Variants in TIMP2 observed in about 807,000 individuals in gnomAD.
TIMP2 encodes the protein TIMP metallopeptidase inhibitor 2.
TIMP2 carries 5 observed loss-of-function variants against 24.3 expected under a neutral mutation model. The observed-to-expected ratio is 0.21, with a 90% confidence interval of 0.11 to 0.43. The LOEUF is 0.43. Ranked by LOEUF, TIMP2 falls within the 20% of genes least tolerant of loss-of-function variation. The pLI is 1.00. For missense variants in TIMP2, 221 were observed against 297.5 expected (o/e 0.74, Z 1.89); for synonymous variants, 130 against 123.2 (o/e 1.06, Z -0.37).
chr17:78,890,044 A>C (rs1011616277), intron 1 of TIMP2, among the ~76,000 whole-genome samples: 1 of 152,166 alleles, frequency 6.6e-6, no homozygotes, highest in East Asian at 1.9e-4. Context: ...GCTTAAGCCC[A>C]GGAGACAGAG....
intron 3 of TIMP2, among the ~76,000 whole-genome samples, chr17:78,869,586 G>A (rs111753648): frequency 6.6e-6 from 1 of 152,138 alleles, no homozygotes; most frequent in Non-Finnish European, 1.5e-5. Context: ...TGAGGTGGGC[G>A]GATCACCTGA....
At chr17:78,860,414 A>C (rs1378370929) in intron 3 of TIMP2, among the ~76,000 whole-genome samples, 1 of 152,210 alleles carries the variant, frequency 6.6e-6, no homozygotes, top group Non-Finnish European at 1.5e-5. Context: ...GGATCCACTA[A>C]TAGAAACACA....
Position 78,854,547 on chromosome 17 carries a change from C to T in TIMP2, c.*1120G>A, listed in dbSNP as rs181972805. ...AGAAGTGAGTGTGTCACCAAAGCCA[C>T]CTACCTCCAAAATCCTTCCCTTCCT... is the stretch of plus-strand genomic sequence containing the variant. On this transcript the variant is annotated 3_prime_UTR_variant, in exon 5 of 5. Coordinates refer to ENST00000262768, the MANE Select transcript of TIMP2 (RefSeq NM_003255.5). 1 of 152,288 alleles carries T rather than the reference C, an allele frequency of 6.6e-6. No homozygotes were observed. The highest frequency in any genetic ancestry group is 2.4e-5 in the African/African-American group (1 of 41,540). 9.4% of individuals were successfully genotyped at this position (152,288 alleles called of 1,614,324 possible).
At chr17:78,903,637 G>A (rs970198159) in intron 1 of TIMP2, among the ~76,000 whole-genome samples, 9 of 152,142 alleles carry the variant, frequency 5.9e-5, no homozygotes, top group Admixed American at 3.9e-4. Context: ...CACTGGAGGC[G>A]GGGGAAGAAA....
At chr17:78,912,570 C>T (rs760320990) in intron 1 of TIMP2, among the ~76,000 whole-genome samples, 4 of 152,350 alleles carry the variant, frequency 2.6e-5, no homozygotes, top group Non-Finnish European at 5.9e-5. Flanking sequence ...ACAGAAGAGG[C>T]GGGTGAAGGC....
In TIMP2 at chr17:78,920,017, T is replaced by C. The variant is rs1377589361; in HGVS notation, c.130+4942A>G. 3.9e-5 allele frequency among the ~76,000 whole-genome samples: 6 copies of C among 152,154 alleles called. No individual in the cohort carries two copies. Among genetic ancestry groups the C allele is most frequent in the Admixed American group, 3.3e-4 (5 of 15,264 alleles). ...CCTTCTTATCTCCTCCTCCCTGCTGTTGCATCCCTCCTCGCAGCTGCCTGG... is the reference window on the plus strand; with the variant it reads ...CCTTCTTATCTCCTCCTCCCTGCTGCTGCATCCCTCCTCGCAGCTGCCTGG... On this transcript the variant is annotated intron_variant, in intron 1 of 4. Transcript: ENST00000262768. The surrounding 1 kb of genome is among the most constrained non-coding windows in gnomAD (Gnocchi z 4.5).
Position 78,891,895 on chromosome 17 carries a change from T to C in TIMP2, c.131-17976A>G, listed in dbSNP as rs2069902903. The C allele has an allele frequency of 1.3e-6, 2 of 1,550,588 alleles. No individual in the cohort carries two copies. The highest frequency in any genetic ancestry group is 1.7e-6 in the Non-Finnish European group (2 of 1,146,992). On this transcript the variant is annotated intron_variant, in intron 1 of 4. Transcript: ENST00000262768. The surrounding 1 kb of genome is among the most constrained non-coding windows in gnomAD (Gnocchi z 4.5). The stretch of plus-strand genomic sequence containing the variant: ...GACCCGTGGCTTTTGTAGTCTGTGG[T>C]TTCTCTGGACTCGCTGCTGTCTTCC...
At chr17:78,857,789 G>T in intron 3 of TIMP2, 143 bp from the exon 4 acceptor site, 1 of 1,139,760 alleles carries the variant, frequency 8.8e-7, no homozygotes, top group Non-Finnish European at 1.2e-6. Flanking sequence ...ACAGTGGGTG[G>T]CCAGGCACGG....
intron 3 of TIMP2, among the ~76,000 whole-genome samples, chr17:78,860,596 G>C (rs1241948292): frequency 6.6e-6 from 1 of 152,208 alleles, no homozygotes; most frequent in East Asian, 1.9e-4. Context: ...TCCTGTTCTA[G>C]CTGTTCCTTT....
At chr17:78,913,889 C>CT (rs2070230991) in intron 1 of TIMP2, among the ~76,000 whole-genome samples, 2 of 44,222 alleles carry the variant, frequency 4.5e-5, no homozygotes, top group African/African-American at 1.9e-4. Flanking sequence ...GAAACTCTGT[C>CT]TCGGGGAAAA....
At chr17:78,892,116 C>T (rs1468373866) in intron 1 of TIMP2, 1 of 1,551,394 alleles carries the variant, frequency 6.4e-7, no homozygotes. Context: ...TGCAGCCTGT[C>T]CAGGCCACCG....
intron 1 of TIMP2, among the ~76,000 whole-genome samples, chr17:78,923,408 C>CGGG (rs2070323933): frequency 1.8e-4 from 1 of 5,474 alleles, no homozygotes; most frequent in African/African-American, 8.3e-4. Flanking sequence ...GGGGGGGGGG[C>CGGG]GGGAGGGGGA....
chr17:78,879,247 G>C lies in TIMP2; in HGVS notation c.131-5328C>G, dbSNP rs185176381. ...TTCCAATGCCCAGTGGTGGACAGAG[G>C]AGGAGGGAGAGAGAGCTCTCCGGAA... On this transcript the variant is annotated intron_variant, in intron 1 of 4. Transcript: ENST00000262768. Among the ~76,000 whole-genome samples, 72 of 152,342 alleles carry C rather than the reference G, an allele frequency of 4.7e-4. 2 individuals carry two copies. Among genetic ancestry groups the C allele is most frequent in the Admixed American group, 4.7e-3 (72 of 15,308 alleles).
chr17:78,922,588 C>T (rs191787131), intron 1 of TIMP2, among the ~76,000 whole-genome samples: 71 of 152,314 alleles, frequency 4.7e-4, no homozygotes, highest in African/African-American at 1.7e-3. Flanking sequence ...GAGGCTGAGG[C>T]AGGCGGATCA....
At position 78,891,660 on chromosome 17, in the gene TIMP2, C is replaced by CAAA; in HGVS notation, c.131-17742_131-17741insTTT. On this transcript the variant is annotated intron_variant, in intron 1 of 4. Transcript: ENST00000262768. This position sits in a 1 kb window ranked among gnomAD's most constrained non-coding sequence, Gnocchi z 4.5. ...GGAACAAAGCAAACTGCCCCCTTTC[C>CAAA]CAGTTGCCTCCTCCCCGCCCGAGCT... 1 of 1,551,036 alleles carries CAAA rather than the reference C, an allele frequency of 6.4e-7. No individual in the cohort carries two copies. The highest frequency in any genetic ancestry group is 8.7e-7 in the Non-Finnish European group (1 of 1,147,108).
At chr17:78,922,340 G>A (rs2070314161) in intron 1 of TIMP2, 1 of 152,244 alleles carries the variant, frequency 6.6e-6, no homozygotes, top group South Asian at 2.1e-4. Flanking sequence ...CACGGAAAGG[G>A]TGACTGGGAA....
chr17:78,918,541 G>C (rs148285984), intron 1 of TIMP2, among the ~76,000 whole-genome samples: 2,175 of 152,244 alleles, frequency 0.014, 94 homozygotes, highest in Admixed American at 0.093. Flanking sequence ...GGAAGTCTGG[G>C]TCTGCCCGCC....
In TIMP2 at chr17:78,856,082, C is replaced by G. The variant is rs943917846; in HGVS notation, c.466-218G>C. ...CTGTGCCCTGCCCACCGCTGCCCCCCCTCCTACTGCAGGTGTGCTTCCCTT... is the reference window on the plus strand; with the variant it reads ...CTGTGCCCTGCCCACCGCTGCCCCCGCTCCTACTGCAGGTGTGCTTCCCTT... On this transcript the variant is annotated intron_variant, in intron 4 of 4. Coordinates refer to ENST00000262768, the MANE Select transcript of TIMP2 (RefSeq NM_003255.5). 1.3e-4 allele frequency: 78 copies of G among 585,326 alleles called. 2 individuals carry two copies. The highest frequency in any genetic ancestry group is 6.9e-4 in the East Asian group (24 of 34,776). The allele number at this position is 585,326 out of a possible 1,614,324, so 36.3% of individuals were successfully genotyped here.
intron 1 of TIMP2, chr17:78,892,155 C>T: frequency 1.9e-6 from 3 of 1,550,952 alleles, no homozygotes; most frequent in Non-Finnish European, 2.6e-6. Context: ...TCCTGATACC[C>T]TCTCCTCAAC....
Sources: gnomAD v4.1 joint callset for allele counts (sites outside exome capture counted in the v4.1 genomes callset) on GRCh38, gnomAD v4.1.1 for gene constraint, Gnocchi (gnomAD v3.1) non-coding constraint, MANE v1.5 for transcripts, NCBI Gene and HGNC (gene_info 2026-07-23, HGNC 2026-07-21) for gene names.